FRMD4B: variants seen among roughly 807,000 people sequenced by gnomAD.
FRMD4B encodes FERM domain-containing protein 4B.
FRMD4B carries 74 observed loss-of-function variants against 141.5 expected under a neutral mutation model. The ratio of observed to expected loss-of-function variants is 0.52; its 90% CI spans 0.43 to 0.63. The LOEUF (loss-of-function observed/expected upper bound fraction) is 0.63. Among genes scored for constraint, FRMD4B ranks in the 30% least tolerant of loss-of-function variants. The probability of loss-of-function intolerance (pLI) is 0.00; values close to 1 mark genes in which losing one functional copy is unlikely to be tolerated. For missense variants in FRMD4B, 1,366 were observed against 1,253.4 expected (o/e 1.09, Z -1.36); for synonymous variants, 506 against 467.9 (o/e 1.08, Z -1.05).
At position 69,223,796 on chromosome 3, in the gene FRMD4B, T is replaced by A. The variant is rs564678220; in HGVS notation, c.665+811A>T. The stretch of plus-strand genomic sequence containing the variant: ...GTGAGCTGAGTTCATGCTACTGCAC[T>A]CCAGCCTAGGCGACAGAGCAAGACT... On this transcript the variant is annotated intron_variant, in intron 8 of 22. Coordinates refer to ENST00000398540, the MANE Select transcript of FRMD4B (RefSeq NM_015123.3). 9.2e-5 allele frequency among the ~76,000 whole-genome samples: 14 copies of A among 152,226 alleles called. No individual in the cohort carries two copies. The East Asian group carries it at 2.7e-3, about 29-fold the overall frequency.
intron 1 of FRMD4B, among the ~76,000 whole-genome samples, chr3:69,466,071 T>A (rs1191840559): frequency 6.6e-6 from 1 of 152,108 alleles, no homozygotes; most frequent in Non-Finnish European, 1.5e-5. Flanking sequence ...CCTGACTTTT[T>A]TTTTTCTCAT....
intron 4 of FRMD4B, 106 bp from the exon 5 acceptor site, chr3:69,287,942 G>A (rs1700744961): frequency 1.6e-6 from 1 of 607,702 alleles, no homozygotes; most frequent in Non-Finnish European, 2.9e-6. Flanking sequence ...GAAACCTGAG[G>A]AAGGTTGTGC....
At chr3:69,194,086 C>G (rs1483589070) in intron 16 of FRMD4B, among the ~76,000 whole-genome samples, 1 of 152,206 alleles carries the variant, frequency 6.6e-6, no homozygotes, top group Non-Finnish European at 1.5e-5. Context: ...CTTCCCTTTT[C>G]AAGGAAGGGA....
At chr3:69,430,177 T>C (rs1045918064) in intron 2 of FRMD4B, among the ~76,000 whole-genome samples, 1 of 152,126 alleles carries the variant, frequency 6.6e-6, no homozygotes, top group Non-Finnish European at 1.5e-5. Flanking sequence ...AATGCACACA[T>C]ACAGCTATGC....
chr3:69,385,741 G>A, intron 1 of FRMD4B, 87 bp downstream of exon 1: 1 of 1,161,196 alleles, frequency 8.6e-7, no homozygotes, highest in Non-Finnish European at 1.2e-6. Context: ...AAGAGCTGGG[G>A]GGAATAAAAT....
In FRMD4B at chr3:69,536,441, T is replaced by C. The variant is rs948420641; in HGVS notation, c.-129+5765A>G. On this transcript the variant is annotated intron_variant, in intron 1 of 5. Transcript: ENST00000459638. Reference sequence around the variant, plus strand: ...TACCTGAAGCGGAGGACGTCCACCGTTGGGTACTTGTGCAGGATGTAGAGC... The same window carrying C: ...TACCTGAAGCGGAGGACGTCCACCGCTGGGTACTTGTGCAGGATGTAGAGC... The C allele has an allele frequency of 9.9e-6, 7 of 706,306 alleles. No individual in the cohort carries two copies. In the African/African-American group the frequency reaches 1.0e-4, roughly 11 times the overall value. 43.8% of individuals were successfully genotyped at this position (706,306 alleles called of 1,614,324 possible).
intron 1 of FRMD4B, among the ~76,000 whole-genome samples, chr3:69,384,765 C>T (rs1038300827): frequency 8.5e-5 from 13 of 152,172 alleles, no homozygotes; most frequent in Non-Finnish European, 1.9e-4. Flanking sequence ...ACAGGCTAAC[C>T]TTAGGTGCTG....
intron 1 of FRMD4B, among the ~76,000 whole-genome samples, chr3:69,324,497 G>A (rs1340840618): frequency 6.6e-6 from 1 of 152,162 alleles, no homozygotes; most frequent in Non-Finnish European, 1.5e-5. Flanking sequence ...CATTATTGCG[G>A]AGCATAGTCC....
At chr3:69,486,146 G>A (rs1183425085) in intron 1 of FRMD4B, among the ~76,000 whole-genome samples, 1 of 152,170 alleles carries the variant, frequency 6.6e-6, no homozygotes, top group Non-Finnish European at 1.5e-5. Context: ...TTCCCAAGTT[G>A]GCTGGAAGTC....
intron 2 of FRMD4B, among the ~76,000 whole-genome samples, chr3:69,409,523 G>A (rs1468956398): frequency 2.0e-5 from 3 of 152,120 alleles, no homozygotes; most frequent in Non-Finnish European, 4.4e-5. Flanking sequence ...TGGCATAGTG[G>A]CCACCAGCAT....
At chr3:69,431,913 T>G (rs185069407) in intron 2 of FRMD4B, among the ~76,000 whole-genome samples, 394 of 152,384 alleles carry the variant, frequency 2.6e-3, no homozygotes, top group Admixed American at 4.6e-3. Context: ...AAACCGTTTT[T>G]GCCTGTCAGA....
intron 1 of FRMD4B, among the ~76,000 whole-genome samples, chr3:69,445,690 C>T (rs1452914597): frequency 6.6e-6 from 1 of 152,196 alleles, no homozygotes; most frequent in Non-Finnish European, 1.5e-5. Context: ...GGACTTGGCA[C>T]TTGCTGAGTC....
chr3:69,176,413 G>T (rs2092646364), intron 22 of FRMD4B, 111 bp downstream of exon 22: 4 of 848,322 alleles, frequency 4.7e-6, no homozygotes, highest in Non-Finnish European at 7.7e-6. Context: ...TGGCCCACAG[G>T]CTAGAGTTTG....
chr3:69,227,544 C>G (rs750631123), intron 7 of FRMD4B, among the ~76,000 whole-genome samples: 1 of 151,842 alleles, frequency 6.6e-6, no homozygotes, highest in Non-Finnish European at 1.5e-5. Flanking sequence ...CACCTGTAAT[C>G]CCAGCTACTC....
intron 1 of FRMD4B, among the ~76,000 whole-genome samples, chr3:69,502,419 C>T (rs1383562135): frequency 1.3e-5 from 2 of 152,126 alleles, no homozygotes; most frequent in East Asian, 1.9e-4. Flanking sequence ...CTGACAAAAA[C>T]AAGCAATGGG....
intron 1 of FRMD4B, among the ~76,000 whole-genome samples, chr3:69,370,773 G>A (rs1031700983): frequency 6.6e-6 from 1 of 152,116 alleles, no homozygotes; most frequent in Non-Finnish European, 1.5e-5. Flanking sequence ...ACCCTTGCCC[G>A]GGTCCCCATC....
chr3:69,526,569 G>C (rs902664693), intron 1 of FRMD4B, among the ~76,000 whole-genome samples: 1 of 152,088 alleles, frequency 6.6e-6, no homozygotes, highest in African/African-American at 2.4e-5. Flanking sequence ...TTTGAATTCC[G>C]GCTTCATCAC....
chr3:69,426,681 G>A (rs1705084431), intron 2 of FRMD4B, among the ~76,000 whole-genome samples: 1 of 152,186 alleles, frequency 6.6e-6, no homozygotes, highest in African/African-American at 2.4e-5. Context: ...AGAGCTGCCA[G>A]CTAGGACTGA....
chr3:69,432,897 T>C (rs1235556062), intron 1 of FRMD4B: 1 of 152,232 alleles, frequency 6.6e-6, no homozygotes, highest in Non-Finnish European at 1.5e-5. Context: ...GTTTTAGAAA[T>C]TCACCTAATT....
Sources: gnomAD v4.1 joint callset for allele counts (sites outside exome capture counted in the v4.1 genomes callset) on GRCh38, gnomAD v4.1.1 for gene constraint, MANE v1.5 for transcripts, NCBI Gene and HGNC (gene_info 2026-07-23, HGNC 2026-07-21) for gene names.